The following DDX60L variants were observed in gnomAD, a reference collection of about 807,000 sequenced individuals.
DDX60L encodes DExD/H-box 60 like, also known as probable ATP-dependent RNA helicase DDX60-like.
A neutral mutation model predicts 211.6 loss-of-function variants in DDX60L; 191 were observed. The ratio of observed to expected loss-of-function variants is 0.90; its 90% CI spans 0.80 to 1.02. The LOEUF (loss-of-function observed/expected upper bound fraction) is 1.02. Among genes scored for constraint, DDX60L ranks in the 50% least tolerant of loss-of-function variants. The probability of loss-of-function intolerance (pLI) is 0.00; values close to 1 mark genes in which losing one functional copy is unlikely to be tolerated. For synonymous variants in DDX60L, 706 were observed against 694.1 expected (o/e 1.02, Z -0.27); for missense variants, 2,007 against 1,984.1 (o/e 1.01, Z -0.22).
chr4:168,391,303 T>G (rs181131820), intron 29 of DDX60L, among the ~76,000 whole-genome samples: 227 of 152,128 alleles, frequency 1.5e-3, no homozygotes, highest in Middle Eastern at 3.4e-3. Flanking sequence ...CACTAAAAAC[T>G]GAAATACATT....
chr4:168,384,738 T>C lies in DDX60L; in HGVS notation c.3990A>G (p.Lys1330=). The C allele has an allele frequency of 6.2e-7, 1 of 1,613,772 alleles. No homozygotes were observed. Among genetic ancestry groups the C allele is most frequent in the Non-Finnish European group, 8.5e-7 (1 of 1,179,898 alleles). The change falls in exon 30 of 38, where the codon AAA becomes AAG. Residue 1330 remains lysine, a synonymous_variant. Transcript: ENST00000682922. ...CACTGGATGCAAGGAGTCTTTTTAT[T>C]TTGGGCAATGGGATATCAAAGAAAT... ...NVYFFDIPLP[K]IKRLLASSVP...
At chr4:168,420,457 TACACATAC>T (rs1167565797) in intron 17 of DDX60L, 77 bp from the exon 18 acceptor site, 7 of 816,078 alleles carry the variant, frequency 8.6e-6, no homozygotes, top group Admixed American at 3.3e-5. Context: ...ACCGAATCCA[TACACATAC>T]ACACACACAC....
intron 7 of DDX60L, among the ~76,000 whole-genome samples, chr4:168,454,810 T>C (rs1186453655): frequency 1.4e-5 from 2 of 143,520 alleles, no homozygotes; most frequent in Non-Finnish European, 3.0e-5. Flanking sequence ...TGTCATTTGT[T>C]GGGATGGAGA....
chr4:168,467,595 A>C (rs1293583248), intron 4 of DDX60L, among the ~76,000 whole-genome samples: 3 of 152,200 alleles, frequency 2.0e-5, no homozygotes, highest in Non-Finnish European at 4.4e-5. Flanking sequence ...CCCTTGACAT[A>C]TACAATTAAC....
At position 168,378,324 on chromosome 4, in the gene DDX60L, T is replaced by C. The variant is rs752540195; in HGVS notation, c.4485+30A>G. 1.0e-4 allele frequency: 124 copies of C among 1,231,596 alleles called. No homozygotes were observed. In the East Asian group the frequency reaches 3.0e-3, roughly 30 times the overall value. 76.3% of individuals were successfully genotyped at this position (1,231,596 alleles called of 1,614,324 possible). On this transcript the variant is annotated intron_variant, in intron 33 of 37. Coordinates refer to ENST00000682922, the MANE Select transcript of DDX60L (RefSeq NM_001012967.3). Reference sequence around the variant, plus strand: ...AGCATACATTTAATAACTATCATTATTATATCATTGTAAGTATAACAAACT... The same window carrying C: ...AGCATACATTTAATAACTATCATTACTATATCATTGTAAGTATAACAAACT...
At chr4:168,377,724 T>C (rs1188326458) in intron 33 of DDX60L, 2 of 152,204 alleles carry the variant, frequency 1.3e-5, no homozygotes, top group Non-Finnish European at 2.9e-5. Context: ...TTAATGCTAA[T>C]TACCTTTTTG....
chr4:168,377,133 A>G lies in DDX60L; in HGVS notation c.4485+1221T>C, dbSNP rs1049053365. Among the ~76,000 whole-genome samples, 14 of 152,220 alleles carry G rather than the reference A, an allele frequency of 9.2e-5. No homozygotes were observed. In the South Asian group the frequency reaches 2.7e-3, roughly 29 times the overall value. On this transcript the variant is annotated intron_variant, in intron 33 of 37. Transcript: ENST00000682922. ...TGATGAAACCTCAACTGTACTAAAA[A>G]TACAAAAAAATTAGCCAAGCGTGGT...
At chr4:168,453,078 T>A in intron 8 of DDX60L, 46 bp downstream of exon 8, 1 of 1,534,716 alleles carries the variant, frequency 6.5e-7, no homozygotes, top group Non-Finnish European at 8.8e-7. Flanking sequence ...GTGATCATGG[T>A]TTTCATCTCT....
At chr4:168,391,429 A>G in intron 29 of DDX60L, 111 bp downstream of exon 29, 2 of 710,268 alleles carry the variant, frequency 2.8e-6, no homozygotes, top group East Asian at 2.7e-5. Context: ...TGCCACATAG[A>G]AAGTAAAAGG....
intron 4 of DDX60L, among the ~76,000 whole-genome samples, chr4:168,467,352 T>C (rs1182339373): frequency 6.7e-6 from 1 of 150,188 alleles, no homozygotes; most frequent in Non-Finnish European, 1.5e-5. Flanking sequence ...GAGGTTACAG[T>C]GTGCCAAAAT....
At chr4:168,366,280 C>T (rs1602009) in intron 36 of DDX60L, among the ~76,000 whole-genome samples, 109,930 of 152,040 alleles carry the variant, frequency 0.72, 40,772 homozygotes, top group East Asian at 0.85. Context: ...GATCAACAAA[C>T]AATATAAATT....
chr4:168,430,278 G>A (rs977771358), intron 13 of DDX60L, among the ~76,000 whole-genome samples, 200 bp downstream of exon 13: 1 of 152,164 alleles, frequency 6.6e-6, no homozygotes, highest in African/African-American at 2.4e-5. Context: ...ACAGCCTGCA[G>A]AACTGTGAGC....
At chr4:168,390,096 C>A (rs1744536745) in intron 29 of DDX60L, 1 of 979,582 alleles carries the variant, frequency 1.0e-6, no homozygotes, top group African/African-American at 1.7e-5. Flanking sequence ...CAAATAAAAT[C>A]CATTCACAGA....
chr4:168,405,824 T>C (rs1232028388), intron 24 of DDX60L, 126 bp downstream of exon 24: 2 of 1,019,524 alleles, frequency 2.0e-6, no homozygotes, highest in Non-Finnish European at 2.8e-6. Context: ...ATAACATGTT[T>C]AAATGGAATT....
rs1426968548 is a variant in DDX60L, at chr4:168,471,854, C to T, written c.157G>A (p.Val53Ile). The change falls in exon 4 of 38, where the codon GTA (valine) becomes ATA (isoleucine). Residue 53 changes from valine to isoleucine, a missense_variant. Physicochemically the swap from Val to Ile is conservative, Grantham distance 29 (BLOSUM62 3). Transcript: ENST00000682922. ...TTCTGTCCCCACTTGAATGATTTTA[C>T]ACCCAGGCATGTGACAAGCAAGGAA... Reference protein sequence around the residue: ...GDSLLVTCLGVKSFKWGQNLH... With the variant: ...GDSLLVTCLGIKSFKWGQNLH... 3.1e-6 allele frequency: 5 copies of T among 1,613,540 alleles called. No individual in the cohort carries two copies. In the African/African-American group the frequency reaches 4.0e-5, roughly 13 times the overall value.
chr4:168,472,616 T>C (rs1206379722), intron 2 of DDX60L, 80 bp downstream of exon 2: 8 of 1,586,034 alleles, frequency 5.0e-6, no homozygotes, highest in Non-Finnish European at 6.0e-6. Context: ...GACATCCAAT[T>C]ACTTTGTAAC....
At chr4:168,470,877 CA>C in intron 4 of DDX60L, 1 of 262,084 alleles carries the variant, frequency 3.8e-6, no homozygotes, top group Non-Finnish European at 7.6e-6. Context: ...AGGCAAAACT[CA>C]AGAAGGCAAT....
At chr4:168,460,710 G>A (rs900645264) in intron 5 of DDX60L, among the ~76,000 whole-genome samples, 1 of 151,754 alleles carries the variant, frequency 6.6e-6, no homozygotes, top group Non-Finnish European at 1.5e-5. Flanking sequence ...ATTCCATTCT[G>A]ACACTAACTA....
chr4:168,462,249 GCATA>G (rs539361573), intron 4 of DDX60L, among the ~76,000 whole-genome samples: 133 of 152,228 alleles, frequency 8.7e-4, no homozygotes, highest in African/African-American at 3.1e-3. Context: ...ATTTGAGCAG[GCATA>G]CACTACCACT....
Sources: gnomAD v4.1 joint callset for allele counts (sites outside exome capture counted in the v4.1 genomes callset) on GRCh38, gnomAD v4.1.1 for gene constraint, MANE v1.5 for transcripts, NCBI Gene and HGNC (gene_info 2026-07-23, HGNC 2026-07-21) for gene names.